The following CACNG4 variants were observed in gnomAD, a reference collection of about 807,000 sequenced individuals.
CACNG4 encodes the protein voltage-dependent calcium channel gamma-4 subunit.
CACNG4 carries 8 observed loss-of-function variants against 22.9 expected under a neutral mutation model. The ratio of observed to expected loss-of-function variants is 0.35; its 90% confidence interval spans 0.21 to 0.63. The LOEUF (loss-of-function observed/expected upper bound fraction) is 0.63. Among genes scored for constraint, CACNG4 ranks in the 30% least tolerant of loss-of-function variants. CACNG4 has a pLI of 0.72. For synonymous variants in CACNG4, 188 were observed against 191.9 expected (o/e 0.98, Z 0.17); for missense variants, 357 against 455.4 (o/e 0.78, Z 1.97).
intron 1 of CACNG4, among the ~76,000 whole-genome samples, chr17:66,983,917 C>T (rs2035290945): frequency 6.6e-6 from 1 of 152,198 alleles, no homozygotes; most frequent in South Asian, 2.1e-4. Context: ...GAATGCAAGG[C>T]AGCGGAGCTC....
chr17:66,971,288 A>C (rs761057497), intron 1 of CACNG4, among the ~76,000 whole-genome samples: 3 of 147,464 alleles, frequency 2.0e-5, no homozygotes, highest in Non-Finnish European at 4.5e-5. Context: ...AAGAGCCTTG[A>C]GGAGGGGTTT....
At chr17:67,022,045 C>T (rs1185061906) in intron 2 of CACNG4, among the ~76,000 whole-genome samples, 2 of 149,990 alleles carry the variant, frequency 1.3e-5, no homozygotes, top group South Asian at 2.1e-4. Flanking sequence ...TGAGCCAAGC[C>T]TGGGCATCCA....
intron 1 of CACNG4, among the ~76,000 whole-genome samples, chr17:66,978,183 G>A (rs186296111): frequency 4.3e-4 from 65 of 152,224 alleles, no homozygotes; most frequent in African/African-American, 1.5e-3. Flanking sequence ...CTAGCTGTGG[G>A]GCCTTAAGCC....
At chr17:66,977,864 C>A (rs1298971663) in intron 1 of CACNG4, among the ~76,000 whole-genome samples, 3 of 152,218 alleles carry the variant, frequency 2.0e-5, no homozygotes, top group African/African-American at 7.2e-5. Context: ...TATTTACTCT[C>A]TGGTTCTGGA....
chr17:67,005,159 A>T (rs530969747), intron 1 of CACNG4, among the ~76,000 whole-genome samples: 4 of 152,332 alleles, frequency 2.6e-5, no homozygotes, highest in African/African-American at 9.6e-5. Context: ...ACACCATTTT[A>T]AAAACTCCCA....
chr17:66,964,828 G>GC lies in CACNG4; in HGVS notation c.-79dup. ...CGGCCCTCGGCCCCCCAACCCCGGC[G>GC]CCCCCGGAGCGGCGCGCGGAGGGAG... On this transcript the variant is annotated 5_prime_UTR_variant, in exon 1 of 4. Coordinates refer to ENST00000262138, the MANE Select transcript of CACNG4 (RefSeq NM_014405.4). 1 of 718,376 alleles carries GC rather than the reference G, an allele frequency of 1.4e-6. No individual in the cohort carries two copies. Among genetic ancestry groups the GC allele is most frequent in the African/African-American group, 1.9e-5 (1 of 51,444 alleles). 44.5% of individuals were successfully genotyped at this position (718,376 alleles called of 1,614,324 possible). A position where few individuals can be genotyped will look rare whatever the true frequency, so the allele number is the denominator to read the frequency against.
At chr17:66,977,860 C>T (rs936923511) in intron 1 of CACNG4, among the ~76,000 whole-genome samples, 2 of 152,214 alleles carry the variant, frequency 1.3e-5, no homozygotes, top group African/African-American at 4.8e-5. Context: ...AGGGTATTTA[C>T]TCTCTGGTTC....
intron 1 of CACNG4, among the ~76,000 whole-genome samples, chr17:66,972,452 C>T (rs1400831941): frequency 6.6e-6 from 1 of 152,202 alleles, no homozygotes; most frequent in Non-Finnish European, 1.5e-5. Flanking sequence ...TCCTCCTTCT[C>T]CAGCTGTGAC....
At chr17:67,003,237 TC>T (rs757141638) in intron 1 of CACNG4, among the ~76,000 whole-genome samples, 19 of 151,912 alleles carry the variant, frequency 1.3e-4, no homozygotes, top group Admixed American at 6.6e-4. Flanking sequence ...CCATTTGTGA[TC>T]CCCATTTCAC....
chr17:67,029,059 G>A lies in CACNG4; in HGVS notation c.446-1407G>A, dbSNP rs140950450. On this transcript the variant is annotated intron_variant, in intron 3 of 3. Transcript: ENST00000262138. ...AGTAAAATCCAAGTAAAGGCTGGGC[G>A]TGGTGGCTCACACCTATTATCCCAG... 1.6e-3 allele frequency among the ~76,000 whole-genome samples: 239 copies of A among 152,274 alleles called. No homozygotes were observed. In the Middle Eastern group the frequency reaches 0.017, roughly 11 times the overall value.
At chr17:66,965,260 G>C in intron 1 of CACNG4, 129 bp downstream of exon 1, 1 of 618,608 alleles carries the variant, frequency 1.6e-6, no homozygotes, top group Non-Finnish European at 2.6e-6. Context: ...GCCGGGGAGA[G>C]GGTGGGCGCG....
In CACNG4 at chr17:67,027,580, G is replaced by C. The variant is rs995445186; in HGVS notation, c.445+2580G>C. On this transcript the variant is annotated intron_variant, in intron 3 of 3. Transcript: ENST00000262138. This position sits in a 1 kb window ranked among gnomAD's most constrained non-coding sequence, Gnocchi z 4.3. ...CCACAGGAGAGGGACAGTTTCCAAGGCTGGGAAAGTCAGAAGAAGACACAA... is the reference window on the plus strand; with the variant it reads ...CCACAGGAGAGGGACAGTTTCCAAGCCTGGGAAAGTCAGAAGAAGACACAA... Among the ~76,000 whole-genome samples, 2 of 152,208 alleles carry C rather than the reference G, an allele frequency of 1.3e-5. No individual in the cohort carries two copies. Among genetic ancestry groups the C allele is most frequent in the Non-Finnish European group, 2.9e-5 (2 of 68,030 alleles).
Position 67,008,470 on chromosome 17 carries a change from A to G in CACNG4, c.221-9719A>G, listed in dbSNP as rs139573650. On this transcript the variant is annotated intron_variant, in intron 1 of 3. Coordinates refer to ENST00000262138, the MANE Select transcript of CACNG4 (RefSeq NM_014405.4). The stretch of plus-strand genomic sequence containing the variant: ...CGGGGAGCAGGGGGCAGGGCTGGGC[A>G]AAGAGCTGAGGCATGGGGAATCAAG... Among the ~76,000 whole-genome samples the G allele has an allele frequency of 9.6e-3, 1,462 of 152,314 alleles. 14 individuals carry two copies. The highest frequency in any genetic ancestry group is 0.017 in the Non-Finnish European group (1,160 of 68,022).
rs989387905 is a variant in CACNG4 at position 67,030,758 on chromosome 17, C to T, written c.738C>T (p.Ser246=). The T allele has an allele frequency of 6.2e-6, 10 of 1,614,226 alleles. No individual in the cohort carries two copies. Among genetic ancestry groups the T allele is most frequent in the Non-Finnish European group, 7.6e-6 (9 of 1,180,042 alleles). ...YRYRRRRSRS[S]SRSTEASPSR... ...ACCGGCGACGGCGCTCGAGGTCCAG[C>T]TCAAGGTCCACCGAGGCCTCGCCCT... is the stretch of plus-strand genomic sequence containing the variant. The change falls in exon 4 of 4, where the codon AGC becomes AGT. Residue 246 remains serine (S), a synonymous_variant. Transcript: ENST00000262138. The surrounding 1 kb of genome is among the most constrained non-coding windows in gnomAD (Gnocchi z 6.4).
intron 1 of CACNG4, 151 bp from the exon 2 acceptor site, chr17:67,018,038 C>A (rs377395903): frequency 4.7e-6 from 3 of 638,226 alleles, no homozygotes; most frequent in Non-Finnish European, 8.5e-6. Context: ...CCCGTGCCCC[C>A]ACCAGACTGG....
chr17:66,979,758 T>C (rs536140900), intron 1 of CACNG4, among the ~76,000 whole-genome samples: 1 of 145,626 alleles, frequency 6.9e-6, no homozygotes, highest in Non-Finnish European at 1.5e-5. Flanking sequence ...TTTTTTTTTT[T>C]TTTTTTTTTG....
chr17:67,002,268 T>A (rs1373638319), intron 1 of CACNG4, among the ~76,000 whole-genome samples: 1 of 152,180 alleles, frequency 6.6e-6, no homozygotes, highest in African/African-American at 2.4e-5. Context: ...AATAGACTTA[T>A]TCACTATCAC....
At chr17:66,985,402 T>G (rs903218375) in intron 1 of CACNG4, among the ~76,000 whole-genome samples, 2 of 152,232 alleles carry the variant, frequency 1.3e-5, no homozygotes, top group Admixed American at 6.5e-5. Context: ...ATGAGTCTAT[T>G]GTCCAAGAGA....
At chr17:67,022,359 T>C (rs1179216256) in intron 2 of CACNG4, among the ~76,000 whole-genome samples, 1 of 152,070 alleles carries the variant, frequency 6.6e-6, no homozygotes, top group Non-Finnish European at 1.5e-5. Flanking sequence ...ACTTCCTTCT[T>C]TCGGATTCCT....
Sources: gnomAD v4.1 joint callset for allele counts (sites outside exome capture counted in the v4.1 genomes callset) on GRCh38, gnomAD v4.1.1 for gene constraint, Gnocchi (gnomAD v3.1) non-coding constraint, MANE v1.5 for transcripts, NCBI Gene and HGNC (gene_info 2026-07-23, HGNC 2026-07-21) for gene names.